Variants in LOC128462377 observed in about 807,000 individuals in gnomAD.
chr16:89,401,889 C>T, the LOC128462377 span, among the ~76,000 whole-genome samples: 2 of 151,962 alleles, frequency 1.3e-5, no homozygotes, highest in East Asian at 1.9e-4. Context: ...GCCGGGCACA[C>T]CAGAGACTCC....
the LOC128462377 span, chr16:89,320,281 G>A: frequency 3.3e-5 from 5 of 152,374 alleles, no homozygotes; most frequent in East Asian, 5.8e-4. Flanking sequence ...ACTCCCGGGG[G>A]AGACTCTTCC....
At chr16:89,393,911 C>T in the LOC128462377 span, among the ~76,000 whole-genome samples, 6 of 152,162 alleles carry the variant, frequency 3.9e-5, no homozygotes, top group East Asian at 3.9e-4. Flanking sequence ...CAAAAAGTCA[C>T]GAAGAAAGTG....
At chr16:89,327,365 G>C in the LOC128462377 span, among the ~76,000 whole-genome samples, 1 of 152,156 alleles carries the variant, frequency 6.6e-6, no homozygotes, top group Non-Finnish European at 1.5e-5. Context: ...ATGATCAAGA[G>C]TGACGTGCTG....
chr16:89,328,809 CGG>C, the LOC128462377 span: 5 of 142,090 alleles, frequency 3.5e-5, no homozygotes, highest in African/African-American at 1.3e-4. Context: ...GGCGAATCAG[CGG>C]AGGCCCCTGC....
At chr16:89,387,731 G>A in the LOC128462377 span, among the ~76,000 whole-genome samples, 4 of 149,226 alleles carry the variant, frequency 2.7e-5, no homozygotes, top group Admixed American at 6.7e-5. Flanking sequence ...GGCCGGGCAC[G>A]GTAGCTTGCG....
the LOC128462377 span, among the ~76,000 whole-genome samples, chr16:89,372,307 G>C: frequency 4.6e-5 from 7 of 152,226 alleles, no homozygotes; most frequent in Non-Finnish European, 7.3e-5. Flanking sequence ...CGGAGGCGGC[G>C]GCAGCGCCCA....
the LOC128462377 span, among the ~76,000 whole-genome samples, chr16:89,363,920 A>T: frequency 6.6e-6 from 1 of 152,172 alleles, no homozygotes; most frequent in East Asian, 1.9e-4. Flanking sequence ...TTACCCAGGT[A>T]TGATGGCATA....
At chr16:89,324,371 G>C in the LOC128462377 span, 39 of 816,024 alleles carry the variant, frequency 4.8e-5, no homozygotes, top group Non-Finnish European at 5.9e-5. Context: ...CCAGGAGGGC[G>C]GCACGTGGGC....
the LOC128462377 span, among the ~76,000 whole-genome samples, chr16:89,396,791 G>A: frequency 1.3e-5 from 2 of 152,078 alleles, no homozygotes; most frequent in African/African-American, 2.4e-5. Context: ...GGTTCACGCC[G>A]TTCTCCTGCC....
the LOC128462377 span, among the ~76,000 whole-genome samples, chr16:89,335,847 G>A: frequency 6.6e-6 from 1 of 152,172 alleles, no homozygotes; most frequent in Non-Finnish European, 1.5e-5. Flanking sequence ...CCCTACAGCT[G>A]GTGCTTCTAA....
At chr16:89,374,219 C>A in the LOC128462377 span, among the ~76,000 whole-genome samples, 1 of 152,094 alleles carries the variant, frequency 6.6e-6, no homozygotes, top group African/African-American at 2.4e-5. Context: ...CAAAGATTTA[C>A]AGTATTTTCA....
chr16:89,392,505 A>T, the LOC128462377 span: 4 of 152,118 alleles, frequency 2.6e-5, no homozygotes, highest in Non-Finnish European at 4.4e-5. Flanking sequence ...TGGGTCTGCC[A>T]GTTCATGTTT....
chr16:89,376,892 G>A, the LOC128462377 span, among the ~76,000 whole-genome samples: 1 of 152,230 alleles, frequency 6.6e-6, no homozygotes, highest in Non-Finnish European at 1.5e-5. Context: ...ATGCAGTAGG[G>A]TTTATGATAA....
At chr16:89,319,182 G>A in the LOC128462377 span, among the ~76,000 whole-genome samples, 5 of 152,204 alleles carry the variant, frequency 3.3e-5, no homozygotes, top group African/African-American at 1.2e-4. Context: ...TGTGGCCCAC[G>A]GACACACTCA....
the LOC128462377 span, among the ~76,000 whole-genome samples, chr16:89,330,682 C>G: frequency 5.5e-3 from 112 of 20,284 alleles, no homozygotes; most frequent in Middle Eastern, 0.056. Flanking sequence ...GGGGCGGGGG[C>G]GGAGGAAGCT....
At chr16:89,410,831 G>A in the LOC128462377 span, among the ~76,000 whole-genome samples, 3 of 152,236 alleles carry the variant, frequency 2.0e-5, no homozygotes, top group African/African-American at 7.2e-5. Context: ...GAAGGGGGTG[G>A]GGAGTGGCCA....
chr16:89,362,227 G>T, the LOC128462377 span, among the ~76,000 whole-genome samples: 3,199 of 152,274 alleles, frequency 0.021, 127 homozygotes, highest in African/African-American at 0.074. Flanking sequence ...ACAACCACTG[G>T]ACAAACTGAA....
At chr16:89,365,566 G>C in the LOC128462377 span, among the ~76,000 whole-genome samples, 1 of 152,178 alleles carries the variant, frequency 6.6e-6, no homozygotes, top group Admixed American at 6.5e-5. Context: ...ATATTTCCAA[G>C]CTCTTATGTC....
chr16:89,395,317 G>T, the LOC128462377 span, among the ~76,000 whole-genome samples: 1 of 152,234 alleles, frequency 6.6e-6, no homozygotes, highest in South Asian at 2.1e-4. Flanking sequence ...GTAATCCTGG[G>T]AGCAGCGTCG....
Sources: allele counts gnomAD v4.1 joint callset (sites outside exome capture counted in the v4.1 genomes callset), GRCh38; gene constraint gnomAD v4.1.1; transcripts MANE v1.5.